The following ZNF772 variants were observed in gnomAD, a reference collection of about 807,000 sequenced individuals.
The protein encoded by ZNF772 is zinc finger protein 772.
A neutral mutation model predicts 11.0 loss-of-function variants in ZNF772; 8 were observed. The ratio of observed to expected loss-of-function variants is 0.73; its 90% CI spans 0.43 to 1.31. ZNF772 has a LOEUF of 1.31. Among genes scored for constraint, ZNF772 ranks in the 50% most tolerant of loss-of-function variants. ZNF772 has a pLI of 0.01. For missense variants in ZNF772, 496 were observed against 552.3 expected (o/e 0.90, Z 1.02); for synonymous variants, 155 against 180.4 (o/e 0.86, Z 1.13).
rs1234448306 is a variant in ZNF772 at position 57,469,755 on chromosome 19, T to C, written c.*3519A>G. The C allele has an allele frequency of 6.6e-6, 1 of 152,172 alleles. No individual in the cohort carries two copies. The highest frequency in any genetic ancestry group is 1.5e-5 in the Non-Finnish European group (1 of 68,008). 9.4% of individuals were successfully genotyped at this position (152,172 alleles called of 1,614,324 possible). ...CAAAACCACAGAATGTCAATAAAGATAGAAAAAACTTAAATAACATCAACC... is the reference window on the plus strand; with the variant it reads ...CAAAACCACAGAATGTCAATAAAGACAGAAAAAACTTAAATAACATCAACC... On this transcript the variant is annotated 3_prime_UTR_variant, in exon 4 of 4. Transcript: ENST00000356584.
rs1266972991 is a variant in ZNF772 at position 57,473,045 on chromosome 19, G to C, written c.*229C>G. ...GGACTCTTCCAGCACAAAGACAGAT[G>C]GCTTCTAACAGGCACTGCCTTGACG... On this transcript the variant is annotated 3_prime_UTR_variant, in exon 4 of 4. Transcript: ENST00000356584. The C allele has an allele frequency of 4.3e-5, 24 of 559,436 alleles. No homozygotes were observed. The highest frequency in any genetic ancestry group is 7.6e-5 in the Non-Finnish European group (24 of 316,290). The allele number at this position is 559,436 out of a possible 1,614,324, so 34.7% of individuals were successfully genotyped here. A position where few individuals can be genotyped will look rare whatever the true frequency, so the allele number is the denominator to read the frequency against.
chr19:57,477,007 C>A (rs772326783), intron 1 of ZNF772, among the ~76,000 whole-genome samples: 3 of 152,214 alleles, frequency 2.0e-5, no homozygotes, highest in Non-Finnish European at 4.4e-5. Flanking sequence ...CAGGTGCAAT[C>A]ACTTATAAAG....
intron 2 of ZNF772, chr19:57,476,282 T>G (rs2089282617): frequency 2.8e-6 from 1 of 355,046 alleles, no homozygotes; most frequent in Non-Finnish European, 5.3e-6. Flanking sequence ...ATAATCATCT[T>G]TAAGCCATTT....
rs778217342 is a variant in ZNF772 at position 57,473,881 on chromosome 19, T to C, written c.740A>G (p.His247Arg). The change falls in exon 4 of 4, where the codon CAC becomes CGC. Residue 247 changes from histidine (H) to arginine (R), a missense_variant. Coordinates refer to ENST00000356584, the MANE Select transcript of ZNF772 (RefSeq NM_001144068.2). ...KDSLVQHQRV[H>R]TGERPYECGE... Reference sequence around the variant, plus strand: ...GCACTCATAAGGCCTTTCTCCAGTGTGGACTCTCTGGTGTTGAACAAGTGA... The same window carrying C: ...GCACTCATAAGGCCTTTCTCCAGTGCGGACTCTCTGGTGTTGAACAAGTGA... 1 of 1,614,220 alleles carries C rather than the reference T, an allele frequency of 6.2e-7. No homozygotes were observed. The highest frequency in any genetic ancestry group is 1.1e-5 in the South Asian group (1 of 91,084).
chr19:57,473,829 G>A lies in ZNF772; in HGVS notation c.792C>T (p.Arg264=). Residue 264 remains arginine, a synonymous_variant, in exon 4 of 4, where the codon CGC becomes CGT. Coordinates refer to ENST00000356584, the MANE Select transcript of ZNF772 (RefSeq NM_001144068.2). ...TCTGGTGCTGAGCAAGTATGGGTTT[G>A]CGGCTAAAGGTTTTCCCACATTCAC... ...ECGECGKTFS[R]KPILAQHQRI... 2 of 1,613,712 alleles carry A rather than the reference G, an allele frequency of 1.2e-6. No individual in the cohort carries two copies. Among genetic ancestry groups the A allele is most frequent in the Admixed American group, 3.3e-5 (2 of 59,998 alleles).
chr19:57,475,169 C>T lies in ZNF772; in HGVS notation c.199+491G>A. 2 of 1,613,944 alleles carry T rather than the reference C, an allele frequency of 1.2e-6. No individual in the cohort carries two copies. The highest frequency in any genetic ancestry group is 2.2e-5 in the East Asian group (1 of 44,872). On this transcript the variant is annotated intron_variant, in intron 3 of 3. Coordinates refer to ENST00000356584, the MANE Select transcript of ZNF772 (RefSeq NM_001144068.2). This position sits in a 1 kb window ranked among gnomAD's most constrained non-coding sequence, Gnocchi z 4.2. ...GTCCTAAGGGAAAGATAGAACAGCA[C>T]TGGTCTGGGTAACCCATATAGAAAA... is the stretch of plus-strand genomic sequence containing the variant.
Position 57,473,398 on chromosome 19 carries a change from A to C in ZNF772, c.1223T>G (p.Leu408Arg). 1.9e-6 allele frequency: 3 copies of C among 1,614,178 alleles called. No individual in the cohort carries two copies. The highest frequency in any genetic ancestry group is 2.5e-6 in the Non-Finnish European group (3 of 1,180,032). ...AGTGTGAATTCTATGATGCTGAACA[A>C]GTACATGTTTGTGGCTAAAGGCTTT... ...CGKAFSHKHV[L>R]VQHHRIHTGE... The change falls in exon 4 of 4, where the codon CTT becomes CGT. Residue 408 changes from leucine to arginine, a missense_variant. Physicochemically the swap from Leu to Arg is moderately radical, Grantham distance 102. Transcript: ENST00000356584.
At position 57,475,892 on chromosome 19, in the gene ZNF772, A is replaced by C; in HGVS notation, c.73-106T>G. ...TGTACACCCTCCTACCTAACTCCTC[A>C]ACTCAGGAAATATCAGGACCAGATG... On this transcript the variant is annotated intron_variant, in intron 2 of 3. Coordinates refer to ENST00000356584, the MANE Select transcript of ZNF772 (RefSeq NM_001144068.2). The surrounding 1 kb of genome is among the most constrained non-coding windows in gnomAD (Gnocchi z 4.2). 2 of 1,447,840 alleles carry C rather than the reference A, an allele frequency of 1.4e-6. No homozygotes were observed. The highest frequency in any genetic ancestry group is 1.9e-6 in the Non-Finnish European group (2 of 1,075,954). The allele number at this position is 1,447,840 out of a possible 1,614,324, so 89.7% of individuals were successfully genotyped here.
rs1793312055 is a variant in ZNF772, at chr19:57,473,170, T to C, written c.*104A>G. 4.2e-6 allele frequency: 5 copies of C among 1,182,588 alleles called. No homozygotes were observed. In the South Asian group the frequency reaches 7.9e-5, roughly 19 times the overall value. 73.3% of individuals were successfully genotyped at this position (1,182,588 alleles called of 1,614,324 possible). On this transcript the variant is annotated 3_prime_UTR_variant, in exon 4 of 4. Transcript: ENST00000356584. ...TCCCCAGGGTGAGTGTTTGAGTGTATAAAGTTCTACTTCTGGCTGTCGGCT... is the reference window on the plus strand; with the variant it reads ...TCCCCAGGGTGAGTGTTTGAGTGTACAAAGTTCTACTTCTGGCTGTCGGCT...
Position 57,477,426 on chromosome 19 carries a change from C to G in ZNF772, c.-117G>C. On this transcript the variant is annotated 5_prime_UTR_variant, in exon 1 of 4. Transcript: ENST00000356584. Reference sequence around the variant, plus strand: ...GCGCCACTGTCAAGCCTCAGGCCCACCTCTCTTCAGGGAAGAAGACACTCT... The same window carrying G: ...GCGCCACTGTCAAGCCTCAGGCCCAGCTCTCTTCAGGGAAGAAGACACTCT... 9.1e-7 allele frequency: 1 copy of G among 1,101,126 alleles called. No individual in the cohort carries two copies. The highest frequency in any genetic ancestry group is 1.3e-6 in the Non-Finnish European group (1 of 745,402). 68.2% of individuals were successfully genotyped at this position (1,101,126 alleles called of 1,614,324 possible). A position where few individuals can be genotyped will look rare whatever the true frequency, so the allele number is the denominator to read the frequency against.
In ZNF772 at chr19:57,472,258, A is replaced by G. The variant is rs143453419; in HGVS notation, c.*1016T>C. 1,495 of 444,364 alleles carry G rather than the reference A, an allele frequency of 3.4e-3. 28 individuals carry two copies. Among genetic ancestry groups the G allele is most frequent in the African/African-American group, 0.027 (1,311 of 49,348 alleles). 27.5% of individuals were successfully genotyped at this position (444,364 alleles called of 1,614,324 possible). ...ACCTGGGCCTTCTGGAGGACAGCCA[A>G]TATCAACTGCCTACTGAAAAATAGA... On this transcript the variant is annotated 3_prime_UTR_variant, in exon 4 of 4. Coordinates refer to ENST00000356584, the MANE Select transcript of ZNF772 (RefSeq NM_001144068.2).
In ZNF772 at chr19:57,471,188, C is replaced by T. The variant is rs897957664; in HGVS notation, c.*2086G>A. 3 of 152,096 alleles carry T rather than the reference C, an allele frequency of 2.0e-5. No individual in the cohort carries two copies. The highest frequency in any genetic ancestry group is 7.2e-5 in the African/African-American group (3 of 41,392). The allele number at this position is 152,096 out of a possible 1,614,324, so 9.4% of individuals were successfully genotyped here. On this transcript the variant is annotated 3_prime_UTR_variant, in exon 4 of 4. Transcript: ENST00000356584. ...AAGAGCAGGAATACTTCCCAACTTA[C>T]TCTATAAAGCTGGCATTATGCTGAT...
Position 57,476,685 on chromosome 19 carries a change from G to C in ZNF772, c.34-13C>G. ...AGTTCATGGGAACCTGTGGGGAAGA[G>C]GGAGACTATGCGAGTCAAGCAATCT... On this transcript the variant is annotated splice_polypyrimidine_tract_variant and intron_variant, in intron 1 of 3. Coordinates refer to ENST00000356584, the MANE Select transcript of ZNF772 (RefSeq NM_001144068.2). 4.4e-6 allele frequency: 7 copies of C among 1,585,036 alleles called. No homozygotes were observed. Among genetic ancestry groups the C allele is most frequent in the Non-Finnish European group, 5.2e-6 (6 of 1,163,912 alleles).
chr19:57,473,413 C>T lies in ZNF772; in HGVS notation c.1208G>A (p.Ser403Asn), dbSNP rs1222685291. Residue 403 changes from serine (S) to asparagine (N), a missense_variant, in exon 4 of 4, where the codon AGC (serine) becomes AAC (asparagine). Transcript: ENST00000356584. ...YVCSECGKAF[S>N]HKHVLVQHHR... is the part of the protein sequence containing the mutation. ...ATGCTGAACAAGTACATGTTTGTGG[C>T]TAAAGGCTTTTCCACATTCACTGCA... The T allele has an allele frequency of 6.2e-7, 1 of 1,613,904 alleles. No homozygotes were observed. The highest frequency in any genetic ancestry group is 8.5e-7 in the Non-Finnish European group (1 of 1,179,982).
chr19:57,475,026 G>A lies in ZNF772; in HGVS notation c.200-605C>T. On this transcript the variant is annotated intron_variant, in intron 3 of 3. Coordinates refer to ENST00000356584, the MANE Select transcript of ZNF772 (RefSeq NM_001144068.2). This position sits in a 1 kb window ranked among gnomAD's most constrained non-coding sequence, Gnocchi z 4.2. ...ACCTTTCCCCAGCTCCTACTCACCA[G>A]GGTCACTCCCACCTGGAGTCTCTGT... 1 of 1,614,102 alleles carries A rather than the reference G, an allele frequency of 6.2e-7. No homozygotes were observed. Among genetic ancestry groups the A allele is most frequent in the Non-Finnish European group, 8.5e-7 (1 of 1,180,016 alleles).
Position 57,473,725 on chromosome 19 carries a change from T to C in ZNF772, c.896A>G (p.His299Arg), listed in dbSNP as rs755409273. ...VFNHSSNLIV[H>R]QRVHTGARPY... The stretch of plus-strand genomic sequence containing the variant: ...CCTTGCTCCAGTGTGTACTCTTTGA[T>C]GTACAATAAGGTTAGAGCTATGATT... Residue 299 changes from histidine (H) to arginine (R), a missense_variant, in exon 4 of 4, where the codon CAT becomes CGT. By Grantham distance (29) the His-to-Arg change is conservative (BLOSUM62 0). Coordinates refer to ENST00000356584, the MANE Select transcript of ZNF772 (RefSeq NM_001144068.2). The C allele has an allele frequency of 3.7e-6, 6 of 1,614,248 alleles. No homozygotes were observed. Among genetic ancestry groups the C allele is most frequent in the Admixed American group, 1.7e-5 (1 of 60,038 alleles).
intron 2 of ZNF772, among the ~76,000 whole-genome samples, chr19:57,476,059 T>C (rs2089280464): frequency 1.3e-5 from 2 of 152,204 alleles, no homozygotes. Context: ...CAAATTCCTC[T>C]GGGGTCACTA....
chr19:57,474,367 A>G lies in ZNF772; in HGVS notation c.254T>C (p.Ile85Thr). 3 of 1,612,574 alleles carry G rather than the reference A, an allele frequency of 1.9e-6. No homozygotes were observed. The highest frequency in any genetic ancestry group is 1.7e-6 in the Non-Finnish European group (2 of 1,180,006). ...EEIPFEQSFS[I>T]GMSQIRIPKG... Reference sequence around the variant, plus strand: ...GGGAATCCTGATCTGTGACATTCCTATAGAAAAGCTCTGCTCAAAAGGTAT... The same window carrying G: ...GGGAATCCTGATCTGTGACATTCCTGTAGAAAAGCTCTGCTCAAAAGGTAT... The change falls in exon 4 of 4, where the codon ATA becomes ACA. Residue 85 changes from isoleucine to threonine, a missense_variant. Physicochemically the swap from Ile to Thr is moderately conservative, Grantham distance 89. Transcript: ENST00000356584.
Position 57,475,725 on chromosome 19 carries a change from T to C in ZNF772, c.134A>G (p.Asp45Gly). 1.9e-6 allele frequency: 3 copies of C among 1,613,790 alleles called. No homozygotes were observed. The highest frequency in any genetic ancestry group is 2.5e-6 in the Non-Finnish European group (3 of 1,179,802). ...ACGGTACAGGAGCCTCTGAGCCTCA[T>C]CAAGGAGCACCCACTCCTCCTGGGA... is the stretch of plus-strand genomic sequence containing the variant. The part of the protein sequence containing the change: ...YFSQEEWVLL[D>G]EAQRLLYRDV... The change falls in exon 3 of 4, where the codon GAT becomes GGT. Residue 45 changes from aspartate (D) to glycine (G), a missense_variant. Physicochemically the swap from Asp to Gly is moderately conservative, Grantham distance 94 (BLOSUM62 -1). Transcript: ENST00000356584. This position sits in a 1 kb window ranked among gnomAD's most constrained non-coding sequence, Gnocchi z 4.2.
Sources: gnomAD v4.1 joint callset for allele counts (sites outside exome capture counted in the v4.1 genomes callset) on GRCh38, gnomAD v4.1.1 for gene constraint, Gnocchi (gnomAD v3.1) non-coding constraint, MANE v1.5 for transcripts, NCBI Gene and HGNC (gene_info 2026-07-23, HGNC 2026-07-21) for gene names.